The following PRKCI variants were observed in gnomAD, a reference collection of about 807,000 sequenced individuals.
PRKCI encodes the protein protein kinase C iota type.
A neutral mutation model predicts 84.0 loss-of-function variants in PRKCI; 43 were observed. That is an observed-to-expected ratio of 0.51 (90% CI 0.40 to 0.66). PRKCI has a LOEUF of 0.66. PRKCI is among the 30% of genes least tolerant of loss of function. The pLI is 0.00. For synonymous variants in PRKCI, 216 were observed against 234.4 expected, an observed-to-expected ratio of 0.92 and a Z score of 0.72; for missense variants, 459 against 745.6, an observed-to-expected ratio of 0.62 and a Z score of 4.48.
At chr3:170,237,214 G>A (rs1432469228) in intron 2 of PRKCI, among the ~76,000 whole-genome samples, 1 of 152,232 alleles carries the variant, frequency 6.6e-6, no homozygotes, top group Non-Finnish European at 1.5e-5. Flanking sequence ...GAAGTATGAA[G>A]TGGTGAAGTA....
rs1458333589 is a variant in PRKCI at position 170,280,261 on chromosome 3, C to T, written c.740C>T (p.Ser247Phe). Residue 247 changes from serine to phenylalanine, a missense_variant, in exon 9 of 18, where the codon TCC becomes TTC. Around this residue, in one of 2 missense-constraint regions of PRKCI, gnomAD observed 209 missense variants for 425.9 expected, o/e 0.49. Transcript: ENST00000295797. ...MNTRESGKAS[S>F]SLGLQDFDLL... ...ACCAGGGAAAGTGGCAAAGCTTCAT[C>T]CAGTCTAGGTCTTCAGGATTTTGAT... is the stretch of plus-strand genomic sequence containing the variant. 1.9e-6 allele frequency: 3 copies of T among 1,612,352 alleles called. No individual in the cohort carries two copies. The highest frequency in any genetic ancestry group is 1.7e-6 in the Non-Finnish European group (2 of 1,179,860).
At chr3:170,272,233 G>C (rs929210654) in intron 6 of PRKCI, among the ~76,000 whole-genome samples, 1 of 152,126 alleles carries the variant, frequency 6.6e-6, no homozygotes, top group Non-Finnish European at 1.5e-5. Flanking sequence ...CCTGGATGCA[G>C]CTATCTAAGC....
chr3:170,277,153 G>A (rs1464246198), intron 8 of PRKCI, among the ~76,000 whole-genome samples: 1 of 151,754 alleles, frequency 6.6e-6, no homozygotes, highest in Non-Finnish European at 1.5e-5. Flanking sequence ...AGAGGTTGAG[G>A]CACGAAAATC....
In PRKCI at chr3:170,298,864, A is replaced by G. The variant is rs757704337; in HGVS notation, c.1588-131A>G. 4 of 626,228 alleles carry G rather than the reference A, an allele frequency of 6.4e-6. No homozygotes were observed. In the African/African-American group the frequency reaches 7.7e-5, roughly 12 times the overall value. 38.8% of individuals were successfully genotyped at this position (626,228 alleles called of 1,614,324 possible). A position where few individuals can be genotyped will look rare whatever the true frequency, so the allele number is the denominator to read the frequency against. On this transcript the variant is annotated intron_variant, in intron 16 of 17. Coordinates refer to ENST00000295797, the MANE Select transcript of PRKCI (RefSeq NM_002740.6). Reference sequence around the variant, plus strand: ...CTCATATTTGTAAATTATGTTCATCATTGCTAATATCATTGAACCATGCTT... The same window carrying G: ...CTCATATTTGTAAATTATGTTCATCGTTGCTAATATCATTGAACCATGCTT...
chr3:170,283,814 G>A (rs947213005), intron 11 of PRKCI, among the ~76,000 whole-genome samples: 4 of 152,178 alleles, frequency 2.6e-5, no homozygotes, highest in Admixed American at 2.6e-4. Flanking sequence ...TCATGATAAT[G>A]TGCCACCAAA....
At chr3:170,286,671 C>G (rs940506854) in intron 12 of PRKCI, among the ~76,000 whole-genome samples, 3 of 151,594 alleles carry the variant, frequency 2.0e-5, no homozygotes, top group African/African-American at 4.8e-5. Context: ...TTCTTTGATC[C>G]GGTAATTCTG....
rs75989467 is a variant in PRKCI at position 170,230,012 on chromosome 3, G to A, written c.102-5218G>A. 1.8e-4 allele frequency among the ~76,000 whole-genome samples: 28 copies of A among 152,126 alleles called. No individual in the cohort carries two copies. The East Asian group carries it at 5.4e-3, about 29-fold the overall frequency. ...CATTGACATTTTGTTAAAGTTGCCA[G>A]CATTTCCCCAATCTGTTGCTAGTCT... On this transcript the variant is annotated intron_variant, in intron 1 of 17. Coordinates refer to ENST00000295797, the MANE Select transcript of PRKCI (RefSeq NM_002740.6).
In PRKCI at chr3:170,293,457, G is replaced by A. The variant is rs1372532118; in HGVS notation, c.1366G>A (p.Val456Ile). The change falls in exon 14 of 18, where the codon GTT becomes ATT. Residue 456 changes from valine (V) to isoleucine (I), a missense_variant. Val to Ile is a conservative substitution (Grantham distance 29, BLOSUM62 3). Coordinates refer to ENST00000295797, the MANE Select transcript of PRKCI (RefSeq NM_002740.6). The stretch of plus-strand genomic sequence containing the variant: ...GGCAGGAAGGTCTCCATTTGATATT[G>A]TTGGGAGCTCCGATAACCCTGACCA... ...MMAGRSPFDI[V>I]GSSDNPDQNT... 9.9e-6 allele frequency: 16 copies of A among 1,613,698 alleles called. No homozygotes were observed. Among genetic ancestry groups the A allele is most frequent in the South Asian group, 8.8e-5 (8 of 91,070 alleles).
rs184743996 is a variant in PRKCI at position 170,262,055 on chromosome 3, A to G, written c.314-1324A>G. 4.6e-3 allele frequency among the ~76,000 whole-genome samples: 696 copies of G among 152,348 alleles called. 13 individuals carry two copies. Among genetic ancestry groups the G allele is most frequent in the Non-Finnish European group, 3.3e-3 (222 of 68,032 alleles). ...ATATGCATTAGGAACTGTGCTTCCTATAGTCTGTGCTCTTTATTAAACTGT... is the reference window on the plus strand; with the variant it reads ...ATATGCATTAGGAACTGTGCTTCCTGTAGTCTGTGCTCTTTATTAAACTGT... On this transcript the variant is annotated intron_variant, in intron 3 of 17. Coordinates refer to ENST00000295797, the MANE Select transcript of PRKCI (RefSeq NM_002740.6).
At chr3:170,279,570 A>G (rs1432207697) in intron 8 of PRKCI, among the ~76,000 whole-genome samples, 7 of 152,204 alleles carry the variant, frequency 4.6e-5, no homozygotes. Flanking sequence ...CTAGAAGCTT[A>G]CATTTGTAGT....
chr3:170,285,078 CTT>C (rs199832004), intron 12 of PRKCI, among the ~76,000 whole-genome samples: 24 of 129,764 alleles, frequency 1.8e-4, no homozygotes, highest in Admixed American at 3.9e-4. Context: ...GTCTTCATTT[CTT>C]TTTTTTTTTT....
At chr3:170,276,329 C>G (rs1002305282) in intron 8 of PRKCI, among the ~76,000 whole-genome samples, 2 of 152,090 alleles carry the variant, frequency 1.3e-5, no homozygotes, top group Non-Finnish European at 2.9e-5. Flanking sequence ...TCATGTCTAG[C>G]CTTATTTTGT....
chr3:170,240,413 C>T (rs1161216149), intron 2 of PRKCI, among the ~76,000 whole-genome samples: 1 of 152,028 alleles, frequency 6.6e-6, no homozygotes, highest in East Asian at 1.9e-4. Flanking sequence ...ATTAAGTTTC[C>T]AAGTTTTCTG....
chr3:170,243,754 G>A (rs189679152), intron 2 of PRKCI, among the ~76,000 whole-genome samples: 1 of 152,272 alleles, frequency 6.6e-6, no homozygotes, highest in African/African-American at 2.4e-5. Flanking sequence ...TGCACTCCAG[G>A]GGTACTGTAT....
intron 2 of PRKCI, among the ~76,000 whole-genome samples, chr3:170,259,698 C>T (rs1002687510): frequency 3.3e-5 from 5 of 151,556 alleles, no homozygotes; most frequent in Admixed American, 6.6e-5. Context: ...CCCAGCTACT[C>T]GGGAAGCTGA....
intron 2 of PRKCI, among the ~76,000 whole-genome samples, chr3:170,255,943 A>G (rs1422368740): frequency 1.3e-5 from 2 of 152,020 alleles, no homozygotes; most frequent in Non-Finnish European, 2.9e-5. Context: ...ATTCTGTTGT[A>G]TCATGTTTTA....
chr3:170,282,274 G>A (rs774779438), intron 11 of PRKCI, among the ~76,000 whole-genome samples: 5 of 152,138 alleles, frequency 3.3e-5, no homozygotes. Flanking sequence ...CAAATATTAT[G>A]TCTATGTAGC....
intron 2 of PRKCI, among the ~76,000 whole-genome samples, chr3:170,238,837 C>T (rs984133526): frequency 6.6e-6 from 1 of 152,096 alleles, no homozygotes; most frequent in African/African-American, 2.4e-5. Context: ...GTGATCCACC[C>T]GCCTTGGCCT....
At chr3:170,297,647 G>C (rs974514476) in intron 16 of PRKCI, among the ~76,000 whole-genome samples, 14 of 150,754 alleles carry the variant, frequency 9.3e-5, no homozygotes, top group African/African-American at 2.2e-4. Flanking sequence ...AGATGGGGGG[G>C]GTTTCACAAT....
Sources: allele counts gnomAD v4.1 joint callset (sites outside exome capture counted in the v4.1 genomes callset), GRCh38; gene constraint gnomAD v4.1.1; regional missense constraint gnomAD v4.1.1; transcripts MANE v1.5; gene names NCBI Gene and HGNC (gene_info 2026-07-23, HGNC 2026-07-21).